GREM2: variants seen among roughly 807,000 people sequenced by gnomAD.
GREM2 encodes the protein gremlin 2, DAN family BMP antagonist.
In GREM2, 11 loss-of-function variants were observed where a neutral mutation model predicts 14.2. That is an observed-to-expected ratio of 0.78 (90% CI 0.49 to 1.28). The LOEUF (loss-of-function observed/expected upper bound fraction) is 1.28, where lower values mean the gene tolerates loss of function less well. Among genes scored for constraint, GREM2 ranks in the 50% most tolerant of loss-of-function variants. The pLI is 0.00. For missense variants in GREM2, 210 were observed against 218.5 expected (o/e 0.96, Z 0.24); for synonymous variants, 98 against 97.6 (o/e 1.00, Z -0.02).
chr1:240,532,265 G>A (rs1397409476), intron 1 of GREM2, among the ~76,000 whole-genome samples: 1 of 152,100 alleles, frequency 6.6e-6, no homozygotes, highest in Non-Finnish European at 1.5e-5. Context: ...TGTATTTTTA[G>A]TAGAGACAGG....
At chr1:240,518,519 G>GT (rs1558146316) in intron 1 of GREM2, among the ~76,000 whole-genome samples, 4 of 151,910 alleles carry the variant, frequency 2.6e-5, no homozygotes, top group South Asian at 2.1e-4. Flanking sequence ...TTAGTTTTTG[G>GT]GTTTTTTTAA....
At chr1:240,508,311 A>G (rs1464917665) in intron 1 of GREM2, among the ~76,000 whole-genome samples, 1 of 152,250 alleles carries the variant, frequency 6.6e-6, no homozygotes, top group East Asian at 1.9e-4. Context: ...CTCATATTCA[A>G]ACAGCCAGAA....
intron 1 of GREM2, among the ~76,000 whole-genome samples, chr1:240,507,068 G>A (rs1677689829): frequency 6.6e-6 from 1 of 152,204 alleles, no homozygotes; most frequent in Admixed American, 6.5e-5. Flanking sequence ...GGAAGAGCTG[G>A]TTTTGGGCAG....
intron 1 of GREM2, among the ~76,000 whole-genome samples, chr1:240,551,913 T>C (rs1678861751): frequency 6.6e-6 from 1 of 152,132 alleles, no homozygotes; most frequent in Non-Finnish European, 1.5e-5. Context: ...TCCTTACAAA[T>C]TTTATAGAAA....
At chr1:240,554,977 C>G (rs1224760501) in intron 1 of GREM2, among the ~76,000 whole-genome samples, 1 of 152,080 alleles carries the variant, frequency 6.6e-6, no homozygotes, top group African/African-American at 2.4e-5. Context: ...AACCCTGTCT[C>G]TATTAAAAAT....
intron 1 of GREM2, among the ~76,000 whole-genome samples, chr1:240,571,436 G>A (rs1198786543): frequency 6.6e-6 from 1 of 152,208 alleles, no homozygotes. Flanking sequence ...GCTCACGCCT[G>A]TAATCCCAGC....
intron 1 of GREM2, among the ~76,000 whole-genome samples, chr1:240,572,594 TA>T (rs1238627582): frequency 6.6e-6 from 1 of 152,170 alleles, no homozygotes; most frequent in Non-Finnish European, 1.5e-5. Flanking sequence ...AGCTAATGAT[TA>T]TAGGGAGTTA....
At chr1:240,531,676 G>C in intron 1 of GREM2, 1 of 984,432 alleles carries the variant, frequency 1.0e-6, no homozygotes, top group Non-Finnish European at 1.2e-6. Flanking sequence ...ACTCAGCTCT[G>C]AGTGCTCTCA....
Position 240,534,839 on chromosome 1 carries a change from G to A in GREM2, c.-1-41363C>T, listed in dbSNP as rs1435555231. Among the ~76,000 whole-genome samples the A allele has an allele frequency of 2.0e-5, 3 of 152,148 alleles. No individual in the cohort carries two copies. The East Asian group carries it at 5.8e-4, about 29-fold the overall frequency. On this transcript the variant is annotated intron_variant, in intron 1 of 1. Transcript: ENST00000318160. ...CTGAACAAGGCATTGGTGTATGGGC[G>A]GGAAGAAGGGACAGAAACATGTTGA...
chr1:240,502,436 CT>C (rs1677590731), intron 1 of GREM2, among the ~76,000 whole-genome samples: 1 of 152,150 alleles, frequency 6.6e-6, no homozygotes, highest in African/African-American at 2.4e-5. Flanking sequence ...GTGCTCTCCT[CT>C]TAAAGGTTGG....
At chr1:240,502,873 A>G (rs1677601305) in intron 1 of GREM2, among the ~76,000 whole-genome samples, 1 of 152,172 alleles carries the variant, frequency 6.6e-6, no homozygotes, top group Non-Finnish European at 1.5e-5. Flanking sequence ...GTCCAAGCCA[A>G]TTGGTTATTC....
intron 1 of GREM2, among the ~76,000 whole-genome samples, chr1:240,592,820 C>G (rs1447697711): frequency 6.6e-6 from 1 of 152,064 alleles, no homozygotes; most frequent in African/African-American, 2.4e-5. Context: ...CACTTTGCCT[C>G]TCTGCTCCCT....
At chr1:240,548,953 G>C (rs926018442) in intron 1 of GREM2, among the ~76,000 whole-genome samples, 2 of 152,168 alleles carry the variant, frequency 1.3e-5, no homozygotes, top group Non-Finnish European at 2.9e-5. Context: ...CTGAACAAAA[G>C]ATCTCTGGGT....
At chr1:240,607,604 A>G (rs1680053474) in intron 1 of GREM2, among the ~76,000 whole-genome samples, 1 of 152,240 alleles carries the variant, frequency 6.6e-6, no homozygotes, top group Non-Finnish European at 1.5e-5. Context: ...TGGTGCCTCC[A>G]GACACTGAGC....
At chr1:240,575,901 GAAAAAAAA>G (rs200904291) in intron 1 of GREM2, among the ~76,000 whole-genome samples, 5 of 130,502 alleles carry the variant, frequency 3.8e-5, no homozygotes, top group Non-Finnish European at 8.2e-5. Flanking sequence ...TGCTCTGCTG[GAAAAAAAA>G]AAAAAAAAGA....
chr1:240,497,234 C>A (rs906418800), intron 1 of GREM2, among the ~76,000 whole-genome samples: 11 of 152,216 alleles, frequency 7.2e-5, no homozygotes, highest in African/African-American at 2.6e-4. Flanking sequence ...GCTCAAGAAG[C>A]ATTCTTTTTA....
chr1:240,545,698 G>A (rs1441691888), intron 1 of GREM2, among the ~76,000 whole-genome samples: 1 of 152,174 alleles, frequency 6.6e-6, no homozygotes, highest in East Asian at 1.9e-4. Flanking sequence ...CACCCAGTTG[G>A]TGCTCACTGC....
intron 1 of GREM2, among the ~76,000 whole-genome samples, chr1:240,501,030 C>T (rs78240179): frequency 0.013 from 2,051 of 152,226 alleles, 40 homozygotes; most frequent in African/African-American, 0.046. Flanking sequence ...CCAGATTCAT[C>T]GCCTTTTGCC....
At chr1:240,521,527 C>T (rs926101848) in intron 1 of GREM2, among the ~76,000 whole-genome samples, 2 of 151,904 alleles carry the variant, frequency 1.3e-5, no homozygotes, top group Non-Finnish European at 1.5e-5. Context: ...GCCGAGATGG[C>T]ACCACTGCAC....
Sources: gnomAD v4.1 joint callset for allele counts (sites outside exome capture counted in the v4.1 genomes callset) on GRCh38, gnomAD v4.1.1 for gene constraint, MANE v1.5 for transcripts, NCBI Gene and HGNC (gene_info 2026-07-23, HGNC 2026-07-21) for gene names.